DLG2: variants seen among roughly 807,000 people sequenced by gnomAD.
The protein encoded by DLG2 is discs large MAGUK scaffold protein 2, also known as disks large homolog 2.
DLG2 carries 45 observed loss-of-function variants against 132.5 expected under a neutral mutation model. The ratio of observed to expected loss-of-function variants is 0.34; its 90% CI spans 0.27 to 0.44. The LOEUF (loss-of-function observed/expected upper bound fraction) is 0.44. Ranked by LOEUF, DLG2 falls within the 20% of genes least tolerant of loss-of-function variation. The probability of loss-of-function intolerance (pLI) is 1.00; values close to 1 mark genes in which losing one functional copy is unlikely to be tolerated. For missense variants in DLG2, 1,045 were observed against 1,196.9 expected (o/e 0.87, Z 1.87); for synonymous variants, 424 against 419.6 (o/e 1.01, Z -0.13).
intron 6 of DLG2, among the ~76,000 whole-genome samples, chr11:85,078,804 A>T (rs1373521306): frequency 2.6e-5 from 4 of 152,140 alleles, no homozygotes; most frequent in African/African-American, 4.8e-5. Context: ...CATAAAAATT[A>T]TTGTTAACCT....
At chr11:84,500,285 C>A (rs1055107398) in intron 7 of DLG2, among the ~76,000 whole-genome samples, 1 of 151,270 alleles carries the variant, frequency 6.6e-6, no homozygotes, top group South Asian at 2.1e-4. Context: ...CAGTTGTCAC[C>A]CAGGCATGCT....
intron 18 of DLG2, among the ~76,000 whole-genome samples, chr11:83,711,594 T>A (rs940308371): frequency 6.6e-6 from 1 of 152,208 alleles, no homozygotes; most frequent in Non-Finnish European, 1.5e-5. Context: ...GTGACCAAGG[T>A]AACTACCCAG....
At chr11:83,488,616 T>A (rs981559631) in intron 21 of DLG2, among the ~76,000 whole-genome samples, 1 of 152,042 alleles carries the variant, frequency 6.6e-6, no homozygotes, top group Non-Finnish European at 1.5e-5. Context: ...CTGTTCTTAT[T>A]TCTCAAGCTT....
chr11:85,621,299 T>C (rs1271669932), intron 2 of DLG2, among the ~76,000 whole-genome samples: 5 of 152,036 alleles, frequency 3.3e-5, no homozygotes, highest in East Asian at 3.9e-4. Flanking sequence ...AATGAACATA[T>C]ACAAGGAGAT....
intron 6 of DLG2, among the ~76,000 whole-genome samples, chr11:84,884,097 G>C (rs1159992427): frequency 2.6e-5 from 4 of 152,028 alleles, no homozygotes; most frequent in Non-Finnish European, 4.4e-5. Context: ...ATAAATTAAA[G>C]AGTGTTTTTT....
chr11:83,998,398 T>C lies in DLG2; in HGVS notation c.920-17756A>G, dbSNP rs563075017. Among the ~76,000 whole-genome samples, 5 of 152,206 alleles carry C rather than the reference T, an allele frequency of 3.3e-5. 1 individual carries two copies. In the South Asian group the frequency reaches 1.0e-3, roughly 32 times the overall value. On this transcript the variant is annotated intron_variant, in intron 11 of 27. Transcript: ENST00000376104. Reference sequence around the variant, plus strand: ...CACACCAAAGAACCAAAGTAGTGAGTAGATAATCACACTTCGTATAGTTCC... The same window carrying C: ...CACACCAAAGAACCAAAGTAGTGAGCAGATAATCACACTTCGTATAGTTCC...
chr11:84,223,029 C>T (rs1392274487), intron 8 of DLG2, among the ~76,000 whole-genome samples: 1 of 152,206 alleles, frequency 6.6e-6, no homozygotes, highest in East Asian at 1.9e-4. Context: ...GTGGTGAGTA[C>T]AACTGGGTCA....
intron 16 of DLG2, among the ~76,000 whole-genome samples, chr11:83,854,311 T>C (rs12295050): frequency 0.22 from 33,853 of 152,034 alleles, 5,197 homozygotes; most frequent in African/African-American, 0.43. Context: ...CTTTCCAACT[T>C]AATTTGTAGA....
At chr11:85,520,300 T>A (rs974397943) in intron 3 of DLG2, among the ~76,000 whole-genome samples, 1 of 151,774 alleles carries the variant, frequency 6.6e-6, no homozygotes, top group Non-Finnish European at 1.5e-5. Flanking sequence ...AGATAAAAGA[T>A]CTCTATAATG....
At chr11:85,527,450 G>A (rs1232992392) in intron 3 of DLG2, among the ~76,000 whole-genome samples, 1 of 151,946 alleles carries the variant, frequency 6.6e-6, no homozygotes, top group Non-Finnish European at 1.5e-5. Flanking sequence ...TGTGGTGTTT[G>A]GTTTTCTGTT....
chr11:84,728,019 T>A (rs529254166), intron 6 of DLG2, among the ~76,000 whole-genome samples: 1 of 152,286 alleles, frequency 6.6e-6, no homozygotes, highest in South Asian at 2.1e-4. Flanking sequence ...TTTCTAAATA[T>A]ACAATCATGT....
chr11:84,889,261 C>A (rs573507244), intron 6 of DLG2, among the ~76,000 whole-genome samples: 1 of 152,164 alleles, frequency 6.6e-6, no homozygotes. Context: ...GATTGTTAAG[C>A]GCTAGGTAAT....
At chr11:85,304,960 G>GT (rs2079843363) in intron 3 of DLG2, among the ~76,000 whole-genome samples, 1 of 152,152 alleles carries the variant, frequency 6.6e-6, no homozygotes, top group African/African-American at 2.4e-5. Context: ...ATGAGGACAA[G>GT]TATCTTTCCA....
In DLG2 at chr11:84,099,061, A is replaced by G; in HGVS notation, c.625-14T>C. 1 of 1,611,568 alleles carries G rather than the reference A, an allele frequency of 6.2e-7. No individual in the cohort carries two copies. The highest frequency in any genetic ancestry group is 8.5e-7 in the Non-Finnish European group (1 of 1,178,054). The stretch of plus-strand genomic sequence containing the variant: ...GCCAGAATTCCCCTATAGAAACAAA[A>G]AGCAGATATTAAATGATGTGTCTGT... On this transcript the variant is annotated splice_polypyrimidine_tract_variant and intron_variant, in intron 9 of 27. Coordinates refer to ENST00000376104, the MANE Select transcript of DLG2 (RefSeq NM_001142699.3).
chr11:84,921,702 T>C (rs1388171862), intron 6 of DLG2, among the ~76,000 whole-genome samples: 1 of 152,138 alleles, frequency 6.6e-6, no homozygotes, highest in African/African-American at 2.4e-5. Flanking sequence ...CTTTTCTCCT[T>C]TCAAAAAGAT....
chr11:85,191,125 A>C, intron 4 of DLG2, among the ~76,000 whole-genome samples: 1 of 151,292 alleles, frequency 6.6e-6, no homozygotes, highest in South Asian at 2.1e-4. Flanking sequence ...GGGTGATGAA[A>C]TCATTTGTCT....
rs536944718 is a variant in DLG2 at position 85,623,473 on chromosome 11, T to C, written c.-93+3114A>G. On this transcript the variant is annotated intron_variant, in intron 2 of 27. Transcript: ENST00000376104. ...GCACGCACCACTATGCCCAGCTAAT[T>C]TTTGTATTTTTAGTAGAGATGGGGT... Among the ~76,000 whole-genome samples the C allele has an allele frequency of 3.9e-3, 597 of 152,176 alleles. 2 individuals carry two copies. Among genetic ancestry groups the C allele is most frequent in the Non-Finnish European group, 6.8e-3 (459 of 67,998 alleles).
intron 7 of DLG2, among the ~76,000 whole-genome samples, chr11:84,479,995 A>G (rs528746239): frequency 4.6e-5 from 7 of 152,220 alleles, no homozygotes; most frequent in South Asian, 4.1e-4. Context: ...GTATCTTAGA[A>G]CTTTATTTCC....
chr11:85,209,445 C>CTGTTTTT (rs2082109227), intron 4 of DLG2, among the ~76,000 whole-genome samples: 1 of 74,434 alleles, frequency 1.3e-5, no homozygotes, highest in Non-Finnish European at 2.4e-5. Flanking sequence ...AGAAATCAGT[C>CTGTTTTT]TTTTTTTTTT....
Sources: allele counts gnomAD v4.1 joint callset (sites outside exome capture counted in the v4.1 genomes callset), GRCh38; gene constraint gnomAD v4.1.1; transcripts MANE v1.5; gene names NCBI Gene and HGNC (gene_info 2026-07-23, HGNC 2026-07-21).